The following NSUN6 variants were observed in gnomAD, a reference collection of about 807,000 sequenced individuals.
NSUN6 encodes the protein NOP2/Sun RNA methyltransferase 6.
NSUN6 carries 64 observed loss-of-function variants against 58.0 expected under a neutral mutation model. The observed-to-expected ratio is 1.10, with a 90% confidence interval of 0.90 to 1.36. The LOEUF (loss-of-function observed/expected upper bound fraction) is 1.36, where lower values mean the gene tolerates loss of function less well. Among genes scored for constraint, NSUN6 ranks in the 40% most tolerant of loss-of-function variants. The pLI, the probability that NSUN6 is intolerant of heterozygous loss-of-function variation, is 0.00. For missense variants in NSUN6, 701 were observed against 550.1 expected, an observed-to-expected ratio of 1.27 and a Z score of -2.74; for synonymous variants, 231 against 193.9, an observed-to-expected ratio of 1.19 and a Z score of -1.59.
At chr10:18,649,381 A>C (rs1377116126) in intron 1 of NSUN6, among the ~76,000 whole-genome samples, 1 of 152,178 alleles carries the variant, frequency 6.6e-6, no homozygotes, top group Admixed American at 6.6e-5. Flanking sequence ...ACCAGCCTTA[A>C]AAGTATTCAT....
upstream of NSUN6, chr10:18,654,732 T>C (rs1269172784): frequency 6.6e-6 from 1 of 152,018 alleles, no homozygotes; most frequent in Non-Finnish European, 1.5e-5. Flanking sequence ...ATGCAAAAAT[T>C]AGCCTGGCGT....
At chr10:18,626,641 G>A (rs1026279753) in intron 3 of NSUN6, among the ~76,000 whole-genome samples, 13 of 152,140 alleles carry the variant, frequency 8.5e-5, no homozygotes, top group South Asian at 4.1e-4. Flanking sequence ...GATGCCAGAC[G>A]CCTGTAATTC....
chr10:18,614,265 A>C (rs752265304), intron 5 of NSUN6, among the ~76,000 whole-genome samples, 195 bp downstream of exon 5: 5 of 152,030 alleles, frequency 3.3e-5, no homozygotes, highest in African/African-American at 4.8e-5. Context: ...TTGCTTAATG[A>C]GGCTCTTTAA....
At chr10:18,629,891 G>A (rs1454000926) in intron 3 of NSUN6, among the ~76,000 whole-genome samples, 2 of 149,890 alleles carry the variant, frequency 1.3e-5, no homozygotes, top group South Asian at 2.2e-4. Flanking sequence ...ACTCAGCTCT[G>A]CACCAAGCGG....
At chr10:18,568,505 ACCATTCTCTATTCCATTCCAAT>A (rs1330291192) in intron 8 of NSUN6, among the ~76,000 whole-genome samples, 7 of 140,866 alleles carry the variant, frequency 5.0e-5, no homozygotes, top group Non-Finnish European at 7.8e-5. Flanking sequence ...TCCATTCCAA[ACCATTCTCTATTCCATTCCAAT>A]CCATTCTCCA....
At chr10:18,624,767 G>A (rs1416190225) in intron 3 of NSUN6, among the ~76,000 whole-genome samples, 1 of 152,004 alleles carries the variant, frequency 6.6e-6, no homozygotes, top group African/African-American at 2.4e-5. Context: ...CTTAGAAAGG[G>A]TTGCTTGAGA....
intron 8 of NSUN6, 31 bp downstream of exon 8, chr10:18,585,917 CA>C: frequency 1.3e-6 from 2 of 1,515,780 alleles, no homozygotes; most frequent in Non-Finnish European, 1.8e-6. Flanking sequence ...TATGATCTGT[CA>C]ATTAAAAATA....
At position 18,609,832 on chromosome 10, in the gene NSUN6, T is replaced by C; in HGVS notation, c.657+13A>G. On this transcript the variant is annotated intron_variant, in intron 6 of 10. Transcript: ENST00000377304. The stretch of plus-strand genomic sequence containing the variant: ...TCAATGTCACTAAATATTTTACTTT[T>C]ATACATACTTACTTGTAAAAATAAG... 1 of 1,349,152 alleles carries C rather than the reference T, an allele frequency of 7.4e-7. No individual in the cohort carries two copies. The highest frequency in any genetic ancestry group is 1.1e-6 in the Non-Finnish European group (1 of 940,178). The allele number at this position is 1,349,152 out of a possible 1,614,324, so 83.6% of individuals were successfully genotyped here.
At chr10:18,630,079 T>G (rs2058971862) in intron 3 of NSUN6, among the ~76,000 whole-genome samples, 1 of 143,274 alleles carries the variant, frequency 7.0e-6, no homozygotes, top group South Asian at 2.4e-4. Flanking sequence ...GCAATCAAAC[T>G]AGAACTCAGG....
At chr10:18,581,720 G>A (rs2056912299) in intron 8 of NSUN6, among the ~76,000 whole-genome samples, 1 of 152,004 alleles carries the variant, frequency 6.6e-6, no homozygotes. Context: ...CAGCTACTCA[G>A]GAGGCTGAGG....
chr10:18,625,836 C>T (rs1426449679), intron 3 of NSUN6, among the ~76,000 whole-genome samples: 2 of 150,140 alleles, frequency 1.3e-5, no homozygotes, highest in Non-Finnish European at 3.0e-5. Flanking sequence ...CACAGATCTC[C>T]AATCAAAAGA....
intron 8 of NSUN6, among the ~76,000 whole-genome samples, chr10:18,556,113 G>A (rs1188134218): frequency 6.7e-6 from 1 of 149,082 alleles, no homozygotes; most frequent in African/African-American, 2.4e-5. Context: ...AGAATAGAAT[G>A]CAATTGAATG....
At chr10:18,633,094 G>A (rs374766660) in intron 3 of NSUN6, among the ~76,000 whole-genome samples, 9 of 151,714 alleles carry the variant, frequency 5.9e-5, no homozygotes, top group Admixed American at 2.0e-4. Context: ...TGATGAGTTC[G>A]TGTCCTTTGT....
intron 3 of NSUN6, among the ~76,000 whole-genome samples, chr10:18,622,948 A>T (rs1413423558): frequency 6.6e-6 from 1 of 152,210 alleles, no homozygotes; most frequent in Non-Finnish European, 1.5e-5. Flanking sequence ...AGTTCTACTG[A>T]TCCAAATGTA....
intron 7 of NSUN6, among the ~76,000 whole-genome samples, chr10:18,591,731 G>C (rs749926767): frequency 6.6e-6 from 1 of 152,110 alleles, no homozygotes; most frequent in Non-Finnish European, 1.5e-5. Flanking sequence ...AATAATGAGA[G>C]CTATTTGTGA....
chr10:18,633,336 C>T (rs374383859), intron 3 of NSUN6, among the ~76,000 whole-genome samples: 5 of 150,996 alleles, frequency 3.3e-5, no homozygotes, highest in Admixed American at 6.6e-5. Flanking sequence ...GTGGGTGCAG[C>T]GCACCAGCAT....
At chr10:18,657,157 G>T (rs1292063169), upstream of NSUN6, among the ~76,000 whole-genome samples, 1 of 151,984 alleles carries the variant, frequency 6.6e-6, no homozygotes, top group African/African-American at 2.4e-5. Context: ...TTTTCTAACA[G>T]ATCGATAGGT....
chr10:18,575,845 G>A (rs955056728), intron 8 of NSUN6, among the ~76,000 whole-genome samples: 1 of 152,090 alleles, frequency 6.6e-6, no homozygotes, highest in South Asian at 2.1e-4. Flanking sequence ...TTATATACTT[G>A]GTCTATTTTC....
chr10:18,623,965 A>G (rs563204252), intron 3 of NSUN6, among the ~76,000 whole-genome samples: 1 of 152,266 alleles, frequency 6.6e-6, no homozygotes, highest in South Asian at 2.1e-4. Flanking sequence ...CAAACTGCAA[A>G]TGAGGATGTA....
Sources: gnomAD v4.1 joint callset for allele counts (sites outside exome capture counted in the v4.1 genomes callset) on GRCh38, gnomAD v4.1.1 for gene constraint, MANE v1.5 for transcripts, NCBI Gene and HGNC (gene_info 2026-07-23, HGNC 2026-07-21) for gene names.